ITPR3: variants seen among roughly 807,000 people sequenced by gnomAD.
The protein encoded by ITPR3 is inositol 1,4,5-trisphosphate receptor type 3.
Under a neutral mutation model 293.2 loss-of-function variants are expected in ITPR3, and 173 were observed. The ratio of observed to expected loss-of-function variants is 0.59; its 90% CI spans 0.52 to 0.67. ITPR3 has a LOEUF of 0.67. Ranked by LOEUF, ITPR3 falls within the 30% of genes least tolerant of loss-of-function variation. The probability of loss-of-function intolerance (pLI) is 0.00; values close to 1 mark genes in which losing one functional copy is unlikely to be tolerated. For synonymous variants in ITPR3, 1,295 were observed against 1,444.4 expected (o/e 0.90, Z 2.35); for missense variants, 2,796 against 3,592.1 (o/e 0.78, Z 5.66).
At chr6:33,671,126 G>T in intron 20 of ITPR3, 39 bp from the exon 21 acceptor site, 1 of 1,609,774 alleles carries the variant, frequency 6.2e-7, no homozygotes, top group Non-Finnish European at 8.5e-7. Flanking sequence ...CCTACGCGCC[G>T]GCCCCTCCCA....
chr6:33,643,889 A>G (rs1361813163), intron 2 of ITPR3, among the ~76,000 whole-genome samples: 3 of 152,186 alleles, frequency 2.0e-5, no homozygotes, highest in Admixed American at 6.5e-5. Context: ...TCAAGTCTAC[A>G]CGATAGTAAA....
Position 33,638,274 on chromosome 6 carries a change from G to A in ITPR3, c.90-2210G>A, listed in dbSNP as rs530918716. Among the ~76,000 whole-genome samples the A allele has an allele frequency of 6.6e-6, 1 of 152,322 alleles. No homozygotes were observed. The highest frequency in any genetic ancestry group is 1.5e-5 in the Non-Finnish European group (1 of 68,028). On this transcript the variant is annotated intron_variant, in intron 1 of 57. Coordinates refer to ENST00000605930, the MANE Select transcript of ITPR3 (RefSeq NM_002224.4). This position sits in a 1 kb window ranked among gnomAD's most constrained non-coding sequence, Gnocchi z 4.3. Reference sequence around the variant, plus strand: ...CCGCCTCAGCCTCCCAAAGTGCAGGGATTACAGGCATGAGCCACCGCGTCC... The same window carrying A: ...CCGCCTCAGCCTCCCAAAGTGCAGGAATTACAGGCATGAGCCACCGCGTCC...
At chr6:33,656,642 T>A (rs935861846) in intron 3 of ITPR3, among the ~76,000 whole-genome samples, 1 of 152,008 alleles carries the variant, frequency 6.6e-6, no homozygotes, top group South Asian at 2.1e-4. Flanking sequence ...CATGAGCCCC[T>A]TGTGGGCAGT....
Position 33,624,068 on chromosome 6 carries a change from A to G in ITPR3, c.89+2377A>G, listed in dbSNP as rs1763500850. ...CCCGCCCTTTAGCAAGCAAGTCTCCACCTGGGTAAATCTGTCCCACCCTCT... is the reference window on the plus strand; with the variant it reads ...CCCGCCCTTTAGCAAGCAAGTCTCCGCCTGGGTAAATCTGTCCCACCCTCT... On this transcript the variant is annotated intron_variant, in intron 1 of 57. Transcript: ENST00000605930. The surrounding 1 kb of genome is among the most constrained non-coding windows in gnomAD (Gnocchi z 4.7). Among the ~76,000 whole-genome samples the G allele has an allele frequency of 6.6e-6, 1 of 152,106 alleles. No individual in the cohort carries two copies. Among genetic ancestry groups the G allele is most frequent in the Non-Finnish European group, 1.5e-5 (1 of 68,022 alleles).
intron 1 of ITPR3, among the ~76,000 whole-genome samples, chr6:33,634,637 C>A (rs1763776301): frequency 6.6e-6 from 1 of 152,148 alleles, no homozygotes; most frequent in Admixed American, 6.5e-5. Context: ...GTTTGCACTC[C>A]TTGCTTTGTG....
At position 33,678,806 on chromosome 6, in the gene ITPR3, C is replaced by T. The variant is rs753627803; in HGVS notation, c.3939C>T (p.Tyr1313=). ...LHTVIKAEGK[Y]VKKCQDMIMT... is the part of the protein sequence containing the mutation. ...CCGTCATTAAGGCCGAGGGCAAGTA[C>T]GTCAAGAAGTGCCAGGACATGATCA... Residue 1313 remains tyrosine (Y), a synonymous_variant, in exon 30 of 58, where the codon TAC becomes TAT. Transcript: ENST00000605930. 1.9e-6 allele frequency: 3 copies of T among 1,613,204 alleles called. No individual in the cohort carries two copies. Among genetic ancestry groups the T allele is most frequent in the Admixed American group, 1.7e-5 (1 of 59,916 alleles).
intron 22 of ITPR3, 85 bp from the exon 23 acceptor site, chr6:33,673,506 C>A (rs1050688200): frequency 1.3e-6 from 2 of 1,558,460 alleles, no homozygotes; most frequent in Non-Finnish European, 1.7e-6. Context: ...CTCCCTGCCC[C>A]CTGCCCCCCA....
At position 33,667,701 on chromosome 6, in the gene ITPR3, C is replaced by A; in HGVS notation, c.1714-91C>A. ...GCCTTTCTAGGGTATTGGGTCCTTA[C>A]CTCGGGGTTTGGGGGCAGCGTTCCA... On this transcript the variant is annotated intron_variant, in intron 15 of 57. Transcript: ENST00000605930. This position sits in a 1 kb window ranked among gnomAD's most constrained non-coding sequence, Gnocchi z 4.4. 2 of 1,438,730 alleles carry A rather than the reference C, an allele frequency of 1.4e-6. No homozygotes were observed. Among genetic ancestry groups the A allele is most frequent in the Non-Finnish European group, 9.5e-7 (1 of 1,050,388 alleles). 89.1% of individuals were successfully genotyped at this position (1,438,730 alleles called of 1,614,324 possible). A position where few individuals can be genotyped will look rare whatever the true frequency, so the allele number is the denominator to read the frequency against.
chr6:33,691,782 G>A lies in ITPR3; in HGVS notation c.7331-19G>A. The A allele has an allele frequency of 6.2e-7, 1 of 1,610,926 alleles. No individual in the cohort carries two copies. Among genetic ancestry groups the A allele is most frequent in the Non-Finnish European group, 8.5e-7 (1 of 1,178,146 alleles). ...GGAGGAGCAGGCAGCCCGGGCCTCA[G>A]CACACTCTCCGCTTGCAGAGGACAG... On this transcript the variant is annotated intron_variant, in intron 53 of 57. Coordinates refer to ENST00000605930, the MANE Select transcript of ITPR3 (RefSeq NM_002224.4). The surrounding 1 kb of genome is among the most constrained non-coding windows in gnomAD (Gnocchi z 4.9).
chr6:33,685,998 A>C, intron 41 of ITPR3, 55 bp from the exon 42 acceptor site: 1 of 1,596,592 alleles, frequency 6.3e-7, no homozygotes, highest in Non-Finnish European at 8.6e-7. Context: ...TTCCCAGGCC[A>C]GCCTCCCTCT....
intron 7 of ITPR3, among the ~76,000 whole-genome samples, chr6:33,661,326 G>A (rs1049069101): frequency 6.6e-6 from 1 of 152,200 alleles, no homozygotes; most frequent in African/African-American, 2.4e-5. Context: ...CCTGCTGGGC[G>A]GCAGGCTCAG....
Position 33,684,680 on chromosome 6 carries a change from T to C in ITPR3, c.5129T>C (p.Ile1710Thr). 6.2e-7 allele frequency: 1 copy of C among 1,613,920 alleles called. No individual in the cohort carries two copies. The highest frequency in any genetic ancestry group is 1.1e-5 in the South Asian group (1 of 91,060). ...STSRGDLPDP[I>T]GTGLDPDWSA... ...TCGCGGGGGGACCTTCCCGACCCCA[T>C]AGGCACTGGTCAGTATCACCTTCCC... is the stretch of plus-strand genomic sequence containing the variant. Residue 1710 changes from isoleucine to threonine, a missense_variant, in exon 38 of 58, where the codon ATA becomes ACA. Physicochemically the swap from Ile to Thr is moderately conservative, Grantham distance 89. Around this residue, in one of 8 missense-constraint regions of ITPR3, gnomAD observed 704 missense variants for 797.5 expected, o/e 0.88. Transcript: ENST00000605930. This position sits in a 1 kb window ranked among gnomAD's most constrained non-coding sequence, Gnocchi z 4.2.
chr6:33,684,619 C>G lies in ITPR3; in HGVS notation c.5068C>G (p.Leu1690Val). 2 of 1,614,142 alleles carry G rather than the reference C, an allele frequency of 1.2e-6. No individual in the cohort carries two copies. Among genetic ancestry groups the G allele is most frequent in the Middle Eastern group, 1.6e-4 (1 of 6,062 alleles). The change falls in exon 38 of 58, where the codon CTG (leucine) becomes GTG (valine). Residue 1690 changes from leucine (L) to valine (V), a missense_variant. Around this residue, in one of 8 missense-constraint regions of ITPR3, gnomAD observed 704 missense variants for 797.5 expected, o/e 0.88. Transcript: ENST00000605930. This position sits in a 1 kb window ranked among gnomAD's most constrained non-coding sequence, Gnocchi z 4.2. ...GDRGNQLRKM[L>V]LQNYLQNRKS... ...CCAGGGCAACCAGCTGCGCAAGATG[C>G]TGCTGCAAAACTACCTCCAGAACCG...
intron 7 of ITPR3, among the ~76,000 whole-genome samples, chr6:33,660,918 G>A (rs928903097): frequency 2.0e-5 from 3 of 151,858 alleles, no homozygotes; most frequent in Admixed American, 6.6e-5. Context: ...GTGACAGAGC[G>A]AGACTCCTTC....
chr6:33,625,634 A>G (rs758071078), intron 1 of ITPR3, among the ~76,000 whole-genome samples: 3 of 148,162 alleles, frequency 2.0e-5, no homozygotes, highest in Non-Finnish European at 3.0e-5. Flanking sequence ...ACATTTGTCA[A>G]AGTGCCTCTG....
At chr6:33,688,863 C>G (rs1765312326) in intron 49 of ITPR3, 82 bp downstream of exon 49, 9 of 1,586,698 alleles carry the variant, frequency 5.7e-6, no homozygotes, top group African/African-American at 1.3e-5. Flanking sequence ...TTGAGGCCAG[C>G]TGGCCTCTGA....
At position 33,678,750 on chromosome 6, in the gene ITPR3, C is replaced by A; in HGVS notation, c.3883C>A (p.Arg1295Ser). 1 of 1,613,480 alleles carries A rather than the reference C, an allele frequency of 6.2e-7. No individual in the cohort carries two copies. The highest frequency in any genetic ancestry group is 8.5e-7 in the Non-Finnish European group (1 of 1,179,878). The stretch of plus-strand genomic sequence containing the variant: ...CGTGCACCTGCTGGCCACGCACGGG[C>A]GCCATGTGCAGTACCTGGACTTCCT... ...HFVHLLATHG[R>S]HVQYLDFLHT... Residue 1295 changes from arginine (R) to serine (S), a missense_variant, in exon 30 of 58, where the codon CGC becomes AGC. This residue lies in a region of ITPR3 where 344 missense variants were observed against 460.3 expected (regional missense o/e 0.75). Transcript: ENST00000605930.
intron 2 of ITPR3, among the ~76,000 whole-genome samples, chr6:33,645,930 T>C (rs1764055510): frequency 6.6e-6 from 1 of 152,064 alleles, no homozygotes; most frequent in Non-Finnish European, 1.5e-5. Context: ...CTCTGCCTCC[T>C]GGATTCAAGC....
chr6:33,684,687 T>C lies in ITPR3; in HGVS notation c.5136T>C (p.Thr1712=), dbSNP rs1265279783. 1 of 1,613,948 alleles carries C rather than the reference T, an allele frequency of 6.2e-7. No homozygotes were observed. Residue 1712 remains threonine, a splice_region_variant and synonymous_variant, in exon 38 of 58, where the codon ACT becomes ACC. Transcript: ENST00000605930. The surrounding 1 kb of genome is among the most constrained non-coding windows in gnomAD (Gnocchi z 4.2). ...GGGACCTTCCCGACCCCATAGGCACTGGTCAGTATCACCTTCCCCTGCCCC... is the reference window on the plus strand; with the variant it reads ...GGGACCTTCCCGACCCCATAGGCACCGGTCAGTATCACCTTCCCCTGCCCC... ...SRGDLPDPIG[T]GLDPDWSAIA... is the part of the protein sequence containing the mutation.
Sources: allele counts gnomAD v4.1 joint callset (sites outside exome capture counted in the v4.1 genomes callset), GRCh38; gene constraint gnomAD v4.1.1; regional missense constraint gnomAD v4.1.1; non-coding constraint Gnocchi (gnomAD v3.1); transcripts MANE v1.5; gene names NCBI Gene and HGNC (gene_info 2026-07-23, HGNC 2026-07-21).